Variants in PIWIL1 observed in about 807,000 individuals in gnomAD.
The protein encoded by PIWIL1 is piwi-like protein 1.
Under a neutral mutation model 114.4 loss-of-function variants are expected in PIWIL1, and 73 were observed. The ratio of observed to expected loss-of-function variants is 0.64; its 90% confidence interval spans 0.53 to 0.78. The LOEUF is 0.78. PIWIL1 is among the 30% of genes least tolerant of loss of function. PIWIL1 has a pLI of 0.00. For synonymous variants in PIWIL1, 375 were observed against 369.0 expected (o/e 1.02, Z -0.19); for missense variants, 723 against 1,063.1 (o/e 0.68, Z 4.45).
At chr12:130,363,612 CTTTT>C (rs34198016) in intron 18 of PIWIL1, among the ~76,000 whole-genome samples, 4 of 82,382 alleles carry the variant, frequency 4.9e-5, no homozygotes, top group African/African-American at 1.0e-4. Context: ...TACTTTCTCC[CTTTT>C]TTTTTTTTTT....
chr12:130,373,118 C>T (rs1342258443), downstream of PIWIL1, among the ~76,000 whole-genome samples: 1 of 152,176 alleles, frequency 6.6e-6, no homozygotes, highest in Non-Finnish European at 1.5e-5. Flanking sequence ...GGGCAAGCAG[C>T]CCAGGTTCCT....
the PIWIL1 span, among the ~76,000 whole-genome samples, chr12:130,405,214 A>C: frequency 0.7 from 104,466 of 150,016 alleles, 37,558 homozygotes; most frequent in Non-Finnish European, 0.8. Context: ...CACACACACA[A>C]AGTTAAAAAG....
intron 3 of PIWIL1, 79 bp downstream of exon 3, chr12:130,343,180 A>G: frequency 1.1e-6 from 1 of 945,914 alleles, no homozygotes; most frequent in East Asian, 2.7e-5. Context: ...AACTTGGTAC[A>G]AAAATTTGTG....
At chr12:130,385,858 T>C in the PIWIL1 span, among the ~76,000 whole-genome samples, 112 of 152,344 alleles carry the variant, frequency 7.4e-4, no homozygotes, top group African/African-American at 2.6e-3. Context: ...CAATTTTAAA[T>C]TTATGCCTAT....
chr12:130,420,176 G>GTCC, the PIWIL1 span, among the ~76,000 whole-genome samples: 5 of 152,108 alleles, frequency 3.3e-5, no homozygotes, highest in South Asian at 4.1e-4. This position sits in a 1 kb window ranked among gnomAD's most constrained non-coding sequence, Gnocchi z 4.3. Flanking sequence ...TCTTTGCCGA[G>GTCC]TCCTCCTCCT....
intron 12 of PIWIL1, 28 bp from the exon 13 acceptor site, chr12:130,356,889 AT>A: frequency 6.5e-7 from 1 of 1,528,640 alleles, no homozygotes; most frequent in Non-Finnish European, 8.9e-7. Context: ...TTACAATGGA[AT>A]TTACAGTGTG....
the PIWIL1 span, chr12:130,424,362 A>G: frequency 1.6e-6 from 2 of 1,232,230 alleles, no homozygotes; most frequent in Non-Finnish European, 2.0e-6. This position sits in a 1 kb window ranked among gnomAD's most constrained non-coding sequence, Gnocchi z 9.8. Flanking sequence ...GTCCTCCTCC[A>G]CGCTGCTCTG....
the PIWIL1 span, among the ~76,000 whole-genome samples, chr12:130,401,908 C>T: frequency 1.3e-4 from 20 of 152,086 alleles, no homozygotes; most frequent in Non-Finnish European, 1.9e-4. Flanking sequence ...CACACATCTC[C>T]GCTGGTGTCA....
chr12:130,399,114 C>T, the PIWIL1 span: 4 of 1,382,794 alleles, frequency 2.9e-6, no homozygotes, highest in South Asian at 6.7e-5. Context: ...TGCTCACTTA[C>T]GTGAAGGCTA....
chr12:130,415,825 C>T, the PIWIL1 span, among the ~76,000 whole-genome samples: 48,676 of 151,756 alleles, frequency 0.32, 8,196 homozygotes, highest in African/African-American at 0.44. Flanking sequence ...TGCTAAAAGG[C>T]TCCTAAACCA....
rs2073827938 is a variant in PIWIL1 at position 130,372,036 on chromosome 12, A to G, written c.*438A>G. 6.5e-6 allele frequency: 1 copy of G among 153,736 alleles called. No homozygotes were observed. Among genetic ancestry groups the G allele is most frequent in the Non-Finnish European group, 1.4e-5 (1 of 69,264 alleles). 9.5% of individuals were successfully genotyped at this position (153,736 alleles called of 1,614,324 possible). ...AGAGGCGTAAAGTAGGATGCTCACT[A>G]CAACCATAGGTGGGGTTTCAGCTCA... On this transcript the variant is annotated 3_prime_UTR_variant, in exon 21 of 21. Transcript: ENST00000245255.
At chr12:130,412,371 G>A in the PIWIL1 span, among the ~76,000 whole-genome samples, 1 of 152,106 alleles carries the variant, frequency 6.6e-6, no homozygotes, top group Non-Finnish European at 1.5e-5. Flanking sequence ...GTACTTCATC[G>A]CCCATTAGAT....
chr12:130,349,171 G>T, intron 7 of PIWIL1, 68 bp from the exon 8 acceptor site: 2 of 1,149,622 alleles, frequency 1.7e-6, no homozygotes, highest in East Asian at 2.4e-5. Context: ...AAGTGAAAAC[G>T]CAACTTAGTG....
Position 130,362,773 on chromosome 12 carries a change from T to A in PIWIL1, c.1978T>A (p.Ser660Thr), listed in dbSNP as rs1289927864. The A allele has an allele frequency of 1.2e-6, 2 of 1,613,992 alleles. No homozygotes were observed. Among genetic ancestry groups the A allele is most frequent in the Non-Finnish European group, 8.5e-7 (1 of 1,179,952 alleles). ...GTGTTTTTCTCTGAATAGCTGGTTC[T>A]CACGCTGCATATTTCAGGATAGAGG... The part of the protein sequence containing the change: ...SINEGMTRWF[S>T]RCIFQDRGQE... Residue 660 changes from serine (S) to threonine (T), a missense_variant, in exon 17 of 21, where the codon TCA (serine) becomes ACA (threonine). Physicochemically the swap from Ser to Thr is moderately conservative, Grantham distance 58. Coordinates refer to ENST00000245255, the MANE Select transcript of PIWIL1 (RefSeq NM_004764.5).
chr12:130,415,544 G>T, the PIWIL1 span, among the ~76,000 whole-genome samples: 1 of 152,214 alleles, frequency 6.6e-6, no homozygotes, highest in East Asian at 1.9e-4. Flanking sequence ...GAGTGCTATA[G>T]CCAGAGCAGT....
In PIWIL1 at chr12:130,362,832, G is replaced by C. The variant is rs1318897005; in HGVS notation, c.2037G>C (p.Leu679=). ...QELVDGLKVC[L]QAALRAWNSC... is the part of the protein sequence containing the mutation. ...TGGTAGATGGGCTCAAAGTCTGCCT[G>C]CAAGGTTAGTCACCTGTGGGGTTGC... Residue 679 remains leucine (L), a synonymous_variant, in exon 17 of 21, where the codon CTG becomes CTC. Coordinates refer to ENST00000245255, the MANE Select transcript of PIWIL1 (RefSeq NM_004764.5). 1 of 1,613,952 alleles carries C rather than the reference G, an allele frequency of 6.2e-7. No individual in the cohort carries two copies. The highest frequency in any genetic ancestry group is 1.3e-5 in the African/African-American group (1 of 75,058).
At chr12:130,339,767 G>A (rs1310563174) in intron 1 of PIWIL1, 2 of 152,192 alleles carry the variant, frequency 1.3e-5, no homozygotes, top group African/African-American at 4.8e-5. Context: ...GAATCAGCTG[G>A]AGGGCTGCTT....
At chr12:130,340,061 A>G (rs1014066587) in intron 1 of PIWIL1, among the ~76,000 whole-genome samples, 2 of 152,102 alleles carry the variant, frequency 1.3e-5, no homozygotes, top group African/African-American at 4.8e-5. Context: ...GTGGGGAGGG[A>G]GAAAACAGGT....
At chr12:130,342,534 C>G in intron 1 of PIWIL1, 46 bp from the exon 2 acceptor site, 1 of 1,085,814 alleles carries the variant, frequency 9.2e-7, no homozygotes, top group Non-Finnish European at 1.4e-6. Flanking sequence ...TTATCAAATG[C>G]GATTGCCTCC....
Sources: gnomAD v4.1 joint callset for allele counts (sites outside exome capture counted in the v4.1 genomes callset) on GRCh38, gnomAD v4.1.1 for gene constraint, Gnocchi (gnomAD v3.1) non-coding constraint, MANE v1.5 for transcripts, NCBI Gene and HGNC (gene_info 2026-07-23, HGNC 2026-07-21) for gene names.